Variants in GRIA1 observed in about 807,000 individuals in gnomAD.
The protein encoded by GRIA1 is glutamate receptor 1.
In GRIA1, 31 loss-of-function variants were observed where a neutral mutation model predicts 99.2. The observed-to-expected ratio is 0.31, with a 90% CI of 0.23 to 0.42. GRIA1 has a LOEUF of 0.42. GRIA1 is among the 10% of genes least tolerant of loss of function. The pLI, the probability that GRIA1 is intolerant of heterozygous loss-of-function variation, is 1.00. For missense variants in GRIA1, 782 were observed against 1,157.5 expected (o/e 0.68, Z 4.71); for synonymous variants, 438 against 432.4 (o/e 1.01, Z -0.16).
At chr5:153,654,261 G>A (rs1227058474) in intron 4 of GRIA1, among the ~76,000 whole-genome samples, 2 of 152,152 alleles carry the variant, frequency 1.3e-5, no homozygotes, top group Admixed American at 6.6e-5. Context: ...AGATGGGAAG[G>A]TTGGTATCAG....
At position 153,800,917 on chromosome 5, in the gene GRIA1, A is replaced by G. The variant is rs193197383; in HGVS notation, c.2386-1439A>G. 2.9e-3 allele frequency among the ~76,000 whole-genome samples: 447 copies of G among 152,318 alleles called. 3 individuals carry two copies. The highest frequency in any genetic ancestry group is 0.01 in the African/African-American group (417 of 41,568). The stretch of plus-strand genomic sequence containing the variant: ...CCCACCTGAAAAGGAACACATGGAG[A>G]GGTATAAAGGCCACATCCTATCCTA... On this transcript the variant is annotated intron_variant, in intron 14 of 15. Transcript: ENST00000285900.
At chr5:153,691,456 T>C (rs757669626) in intron 8 of GRIA1, among the ~76,000 whole-genome samples, 1 of 152,174 alleles carries the variant, frequency 6.6e-6, no homozygotes, top group Non-Finnish European at 1.5e-5. Context: ...TTCAATTCGA[T>C]TTGAGTGGCC....
intron 2 of GRIA1, among the ~76,000 whole-genome samples, chr5:153,566,091 A>G (rs1287915546): frequency 6.6e-6 from 1 of 152,040 alleles, no homozygotes; most frequent in Non-Finnish European, 1.5e-5. Context: ...CATTCTCACC[A>G]GCAATATATG....
rs577628718 is a variant in GRIA1, at chr5:153,797,763, C to T, written c.2385+3028C>T. ...GAGCACACACTGCTGAGAAAAGCCACCCCCACAGCCATCACTTTCACAGTA... is the reference window on the plus strand; with the variant it reads ...GAGCACACACTGCTGAGAAAAGCCATCCCCACAGCCATCACTTTCACAGTA... On this transcript the variant is annotated intron_variant, in intron 14 of 15. Transcript: ENST00000285900. Among the ~76,000 whole-genome samples the T allele has an allele frequency of 3.3e-5, 5 of 152,296 alleles. No individual in the cohort carries two copies. The South Asian group carries it at 8.3e-4, about 25-fold the overall frequency.
intron 13 of GRIA1, among the ~76,000 whole-genome samples, chr5:153,787,006 C>T (rs1447961221): frequency 5.3e-5 from 8 of 152,140 alleles, no homozygotes; most frequent in Non-Finnish European, 8.8e-5. Context: ...CTCAAGGTTT[C>T]GAAGGCAAAA....
At chr5:153,729,820 G>A (rs1760879748) in intron 11 of GRIA1, among the ~76,000 whole-genome samples, 1 of 151,944 alleles carries the variant, frequency 6.6e-6, no homozygotes, top group African/African-American at 2.4e-5. Context: ...TTTGTTTGAG[G>A]GCTTCTGTAA....
chr5:153,722,450 C>A (rs1333102884), intron 11 of GRIA1, among the ~76,000 whole-genome samples: 1 of 152,050 alleles, frequency 6.6e-6, no homozygotes, highest in Non-Finnish European at 1.5e-5. Flanking sequence ...TCAGCTTTAC[C>A]TTTTACTTTT....
chr5:153,789,646 T>G (rs897240916), intron 13 of GRIA1, among the ~76,000 whole-genome samples: 4 of 152,218 alleles, frequency 2.6e-5, no homozygotes, highest in African/African-American at 9.6e-5. Flanking sequence ...CCATATGTTG[T>G]GCCATCTTTT....
chr5:153,794,542 C>T, intron 13 of GRIA1, 79 bp from the exon 14 acceptor site: 1 of 949,310 alleles, frequency 1.1e-6, no homozygotes, highest in Non-Finnish European at 1.7e-6. Context: ...GGAGCTGATT[C>T]ACCGATCCCT....
At chr5:153,501,311 G>C (rs889197669) in intron 2 of GRIA1, among the ~76,000 whole-genome samples, 3 of 152,206 alleles carry the variant, frequency 2.0e-5, no homozygotes, top group African/African-American at 7.2e-5. Context: ...ACATGAATGA[G>C]TGTATAGGTT....
At chr5:153,650,895 C>CAAAAAAAAAAAA (rs1274272624) in intron 4 of GRIA1, among the ~76,000 whole-genome samples, 1 of 43,210 alleles carries the variant, frequency 2.3e-5, no homozygotes, top group Non-Finnish European at 6.7e-5. Context: ...CCTGTCTCCA[C>CAAAAAAAAAAAA]TAAAAAAAAA....
At chr5:153,632,149 G>A (rs1753025210) in intron 2 of GRIA1, among the ~76,000 whole-genome samples, 1 of 152,128 alleles carries the variant, frequency 6.6e-6, no homozygotes, top group Non-Finnish European at 1.5e-5. Flanking sequence ...AAGGATGGAT[G>A]AGAACGGAAA....
chr5:153,726,081 G>A (rs1450511482), intron 11 of GRIA1, among the ~76,000 whole-genome samples: 2 of 151,996 alleles, frequency 1.3e-5, no homozygotes, highest in East Asian at 3.9e-4. Flanking sequence ...TCAGGATTAA[G>A]AAACTCACTC....
intron 2 of GRIA1, among the ~76,000 whole-genome samples, chr5:153,642,144 CA>C (rs1191173228): frequency 3.9e-5 from 6 of 152,302 alleles, no homozygotes; most frequent in Admixed American, 3.9e-4. Context: ...TATCTGGCAT[CA>C]GGGGAAGACA....
intron 2 of GRIA1, among the ~76,000 whole-genome samples, chr5:153,614,754 T>C (rs895574645): frequency 2.6e-5 from 4 of 152,232 alleles, no homozygotes; most frequent in Non-Finnish European, 1.5e-5. Context: ...GCCTCTCAGG[T>C]ACCACCAGAA....
intron 13 of GRIA1, among the ~76,000 whole-genome samples, chr5:153,788,607 C>T (rs1765118026): frequency 6.6e-6 from 1 of 152,224 alleles, no homozygotes; most frequent in African/African-American, 2.4e-5. Flanking sequence ...TTCCTGACCA[C>T]CTCTGACATT....
intron 11 of GRIA1, among the ~76,000 whole-genome samples, chr5:153,752,835 A>G (rs1762586301): frequency 6.6e-6 from 1 of 152,210 alleles, no homozygotes; most frequent in Non-Finnish European, 1.5e-5. Flanking sequence ...AGTTCAGTTT[A>G]AGACACAGAG....
At chr5:153,507,643 G>GT (rs1755666261) in intron 2 of GRIA1, among the ~76,000 whole-genome samples, 1 of 151,988 alleles carries the variant, frequency 6.6e-6, no homozygotes, top group Non-Finnish European at 1.5e-5. Flanking sequence ...TTTCCCACTG[G>GT]ATTATGGCTT....
At chr5:153,614,791 CA>C (rs1178574541) in intron 2 of GRIA1, among the ~76,000 whole-genome samples, 3 of 152,184 alleles carry the variant, frequency 2.0e-5, no homozygotes, top group Non-Finnish European at 2.9e-5. Context: ...AGAAGATTAA[CA>C]AATTCATTTA....
Sources: gnomAD v4.1 joint callset for allele counts (sites outside exome capture counted in the v4.1 genomes callset) on GRCh38, gnomAD v4.1.1 for gene constraint, MANE v1.5 for transcripts, NCBI Gene and HGNC (gene_info 2026-07-23, HGNC 2026-07-21) for gene names.